LEF1: variants seen among roughly 807,000 people sequenced by gnomAD.
LEF1 encodes the protein lymphoid enhancer binding factor 1.
Under a neutral mutation model 51.2 loss-of-function variants are expected in LEF1, and 14 were observed. The observed-to-expected ratio is 0.27, with a 90% CI of 0.18 to 0.43. The LOEUF (loss-of-function observed/expected upper bound fraction) is 0.43. Among genes scored for constraint, LEF1 ranks in the 20% least tolerant of loss-of-function variants. LEF1 has a pLI of 1.00. For synonymous variants in LEF1, 185 were observed against 183.2 expected, an observed-to-expected ratio of 1.01 and a Z score of -0.08; for missense variants, 386 against 512.0, an observed-to-expected ratio of 0.75 and a Z score of 2.37.
intron 3 of LEF1, among the ~76,000 whole-genome samples, chr4:108,144,931 T>C (rs1743907965): frequency 7.6e-6 from 1 of 131,740 alleles, no homozygotes; most frequent in Non-Finnish European, 1.6e-5. Flanking sequence ...GCAGGTTTCA[T>C]AAAAAACTTT....
At chr4:108,166,137 T>A (rs1316863484) in intron 1 of LEF1, 1 of 765,884 alleles carries the variant, frequency 1.3e-6, no homozygotes. Flanking sequence ...CAGCACACAG[T>A]AGTCACAAAT....
chr4:108,134,257 T>C (rs1743098476), intron 3 of LEF1, among the ~76,000 whole-genome samples: 1 of 152,108 alleles, frequency 6.6e-6, no homozygotes, highest in African/African-American at 2.4e-5. Flanking sequence ...CCTCAGTGAA[T>C]ACACAAGTAA....
At chr4:108,143,004 G>C (rs1743768454) in intron 3 of LEF1, among the ~76,000 whole-genome samples, 1 of 152,188 alleles carries the variant, frequency 6.6e-6, no homozygotes. Flanking sequence ...TGACATAGGA[G>C]AAATGACTAT....
chr4:108,166,716 ACTAGTGCCCGGCTT>A, intron 1 of LEF1: 1 of 991,576 alleles, frequency 1.0e-6, no homozygotes, highest in Non-Finnish European at 1.2e-6. Context: ...ACCCTGCAGG[ACTAGTGCCCGGCTT>A]CCGCTGCTTC....
intron 3 of LEF1, among the ~76,000 whole-genome samples, chr4:108,140,361 T>C (rs1324541219): frequency 6.6e-6 from 1 of 152,214 alleles, no homozygotes; most frequent in Non-Finnish European, 1.5e-5. Flanking sequence ...ACTCTGCACT[T>C]GTCCTCCGTG....
At chr4:108,079,288 G>A (rs1044823818) in intron 7 of LEF1, among the ~76,000 whole-genome samples, 1 of 152,164 alleles carries the variant, frequency 6.6e-6, no homozygotes, top group Non-Finnish European at 1.5e-5. Flanking sequence ...TTTAGGGTCC[G>A]TGCTCCTTTG....
At chr4:108,095,490 T>G (rs921565008) in intron 3 of LEF1, among the ~76,000 whole-genome samples, 1 of 152,144 alleles carries the variant, frequency 6.6e-6, no homozygotes, top group South Asian at 2.1e-4. Flanking sequence ...CACTGTTTGG[T>G]GCTCAGCTCC....
intron 3 of LEF1, among the ~76,000 whole-genome samples, chr4:108,090,235 C>T (rs1040293261): frequency 6.6e-6 from 1 of 152,126 alleles, no homozygotes; most frequent in African/African-American, 2.4e-5. Context: ...ACTTTGGCCT[C>T]CCAAAGTGCT....
At chr4:108,146,088 C>T (rs924930315) in intron 3 of LEF1, among the ~76,000 whole-genome samples, 53 of 152,186 alleles carry the variant, frequency 3.5e-4, no homozygotes, top group African/African-American at 1.3e-3. Flanking sequence ...GAATGAATTC[C>T]TCCTATCCCA....
intron 11 of LEF1, among the ~76,000 whole-genome samples, chr4:108,052,039 T>TG (rs1737031491): frequency 6.6e-6 from 1 of 152,140 alleles, no homozygotes; most frequent in Non-Finnish European, 1.5e-5. Context: ...GCTCATGTCC[T>TG]GGGGGTTCCT....
chr4:108,163,317 C>G (rs768886867), intron 3 of LEF1, among the ~76,000 whole-genome samples: 7 of 152,020 alleles, frequency 4.6e-5, no homozygotes, highest in Non-Finnish European at 7.3e-5. Flanking sequence ...TGTAACTTCA[C>G]TTGATTTTAT....
At chr4:108,139,809 T>C (rs1222745529) in intron 3 of LEF1, among the ~76,000 whole-genome samples, 3 of 152,142 alleles carry the variant, frequency 2.0e-5, no homozygotes, top group African/African-American at 7.2e-5. Context: ...TTTTTCAAAC[T>C]ATAACTTGGA....
intron 3 of LEF1, among the ~76,000 whole-genome samples, chr4:108,125,930 T>A (rs1236276357): frequency 6.6e-6 from 1 of 152,180 alleles, no homozygotes; most frequent in Non-Finnish European, 1.5e-5. Context: ...TTAACACCAA[T>A]CAGATTTTTC....
chr4:108,131,651 T>C (rs1311812644), intron 3 of LEF1, among the ~76,000 whole-genome samples: 1 of 152,168 alleles, frequency 6.6e-6, no homozygotes, highest in South Asian at 2.1e-4. Context: ...CAAGCTGATA[T>C]AAGCTACTAG....
intron 3 of LEF1, among the ~76,000 whole-genome samples, chr4:108,130,203 G>T (rs1032343938): frequency 2.6e-5 from 4 of 152,280 alleles, no homozygotes; most frequent in Admixed American, 2.6e-4. Context: ...GCTAAAAAAA[G>T]AGGAGGACAG....
chr4:108,059,804 T>C (rs1578290005), intron 11 of LEF1, among the ~76,000 whole-genome samples: 2 of 152,138 alleles, frequency 1.3e-5, no homozygotes, highest in Admixed American at 1.3e-4. Flanking sequence ...CCGGGCTCAA[T>C]AGATCCAACC....
At chr4:108,094,240 A>T (rs868698869) in intron 3 of LEF1, among the ~76,000 whole-genome samples, 7 of 152,224 alleles carry the variant, frequency 4.6e-5, no homozygotes, top group African/African-American at 1.7e-4. Flanking sequence ...GAGACAAAGA[A>T]GCACCTCAGC....
At chr4:108,162,626 G>A (rs1355287011) in intron 3 of LEF1, among the ~76,000 whole-genome samples, 1 of 152,110 alleles carries the variant, frequency 6.6e-6, no homozygotes, top group East Asian at 1.9e-4. Flanking sequence ...GACCTCCAGG[G>A]CTGTCAGTGA....
At position 108,089,108 on chromosome 4, in the gene LEF1, A is replaced by G. The variant is rs182803620; in HGVS notation, c.547+17T>C. The G allele has an allele frequency of 1.2e-6, 2 of 1,613,300 alleles. No homozygotes were observed. Among genetic ancestry groups the G allele is most frequent in the African/African-American group, 2.7e-5 (2 of 74,840 alleles). On this transcript the variant is annotated intron_variant, in intron 4 of 11. Transcript: ENST00000265165. ...ATTTGGCAAAAAAAAAGGGCCTGGA[A>G]AGACAGGGACTCTCACCTTGTTTGG...
Sources: allele counts gnomAD v4.1 joint callset (sites outside exome capture counted in the v4.1 genomes callset), GRCh38; gene constraint gnomAD v4.1.1; transcripts MANE v1.5; gene names NCBI Gene and HGNC (gene_info 2026-07-23, HGNC 2026-07-21).